Variants in ACOT2 observed in about 807,000 individuals in gnomAD.
ACOT2 encodes acyl-coenzyme A thioesterase 2, mitochondrial.
Under a neutral mutation model 20.1 loss-of-function variants are expected in ACOT2, and 15 were observed. The observed-to-expected ratio is 0.75, with a 90% CI of 0.50 to 1.15. The LOEUF is 1.15. Among genes scored for constraint, ACOT2 ranks in the 50% most tolerant of loss-of-function variants. The pLI, the probability that ACOT2 is intolerant of heterozygous loss-of-function variation, is 0.00. For missense variants in ACOT2, 479 were observed against 615.3 expected (o/e 0.78, Z 2.34); for synonymous variants, 252 against 268.4 (o/e 0.94, Z 0.60).
chr14:73,573,644 T>A, intron 2 of ACOT2, 54 bp downstream of exon 2: 1 of 1,604,674 alleles, frequency 6.2e-7, no homozygotes, highest in East Asian at 2.2e-5. Context: ...TCTTCTTAAA[T>A]GGTCTGGGTT....
At position 73,573,542 on chromosome 14, in the gene ACOT2, T is replaced by C. The variant is rs1889809916; in HGVS notation, c.798T>C (p.His266=). ...TCCCCAAGACCATGGAGACGCTCCA[T>C]CTGGAGTACTTTGAAGAAGCCATGA... ...EDLPKTMETL[H]LEYFEEAMNY... Residue 266 remains histidine, a synonymous_variant, in exon 2 of 3, where the codon CAT becomes CAC. Transcript: ENST00000238651. 1.9e-6 allele frequency: 3 copies of C among 1,613,592 alleles called. No individual in the cohort carries two copies. Among genetic ancestry groups the C allele is most frequent in the African/African-American group, 2.7e-5 (2 of 74,876 alleles).
rs749130080 is a variant in ACOT2, at chr14:73,569,557, C to A, written c.317C>A (p.Ala106Glu). Residue 106 changes from alanine to glutamate, a missense_variant, in exon 1 of 3, where the codon GCG (alanine) becomes GAG (glutamate). Around this residue, in one of 4 missense-constraint regions of ACOT2, gnomAD observed 400 missense variants for 395.5 expected, o/e 1.01. Coordinates refer to ENST00000238651, the MANE Select transcript of ACOT2 (RefSeq NM_006821.6). ...GCGTCCCTGCGCGACGAGAAGGGCGCGCTTTTCCAGGCCCACGCGCGCTAC... is the reference window on the plus strand; with the variant it reads ...GCGTCCCTGCGCGACGAGAAGGGCGAGCTTTTCCAGGCCCACGCGCGCTAC... ...LRASLRDEKG[A>E]LFQAHARYRA... 9.4e-5 allele frequency: 150 copies of A among 1,602,366 alleles called. No individual in the cohort carries two copies. The East Asian group carries it at 3.3e-3, about 35-fold the overall frequency.
chr14:73,569,588 C>G lies in ACOT2; in HGVS notation c.348C>G (p.Ala116=). The G allele has an allele frequency of 1.2e-6, 2 of 1,601,224 alleles. No individual in the cohort carries two copies. Among genetic ancestry groups the G allele is most frequent in the Non-Finnish European group, 1.7e-6 (2 of 1,175,796 alleles). The change falls in exon 1 of 3, where the codon GCC becomes GCG. Residue 116 remains alanine (A), a synonymous_variant. Transcript: ENST00000238651. ...ALFQAHARYR[A]DTLGELDLER... ...TCCAGGCCCACGCGCGCTACCGCGC[C>G]GACACTCTTGGCGAGCTGGACCTGG...
rs544289725 is a variant in ACOT2, at chr14:73,575,486, C to T, written c.1425C>T (p.His475=). 3.1e-5 allele frequency: 46 copies of T among 1,504,528 alleles called. No individual in the cohort carries two copies. The highest frequency in any genetic ancestry group is 2.3e-4 in the Middle Eastern group (1 of 4,292). 93.2% of individuals were successfully genotyped at this position (1,504,528 alleles called of 1,614,324 possible). ...QTFFHKHLGG[H]EGTIPSKV ...TCTTCCACAAACACTTGGGTGGCCA[C>T]GAGGGGACAATCCCATCAAAAGTGT... Residue 475 remains histidine (H), a synonymous_variant, in exon 3 of 3, where the codon CAC becomes CAT. Transcript: ENST00000238651.
intron 1 of ACOT2, among the ~76,000 whole-genome samples, chr14:73,570,578 A>AC (rs1566858945): frequency 5.3e-5 from 8 of 151,378 alleles, no homozygotes; most frequent in Admixed American, 3.3e-4. Flanking sequence ...CAAAAAAAAG[A>AC]CATTGTAAGG....
chr14:73,570,957 T>G (rs1889727389), intron 1 of ACOT2, among the ~76,000 whole-genome samples: 1 of 149,012 alleles, frequency 6.7e-6, no homozygotes, highest in South Asian at 2.1e-4. Flanking sequence ...TTCTTATTTA[T>G]GTATTGACTA....
At chr14:73,572,336 A>T (rs1889769883) in intron 1 of ACOT2, among the ~76,000 whole-genome samples, 1 of 151,942 alleles carries the variant, frequency 6.6e-6, no homozygotes, top group African/African-American at 2.4e-5. Flanking sequence ...AAGATATACA[A>T]AAGAAAAGAA....
chr14:73,573,125 T>G (rs1332862556), intron 1 of ACOT2, among the ~76,000 whole-genome samples: 1 of 151,930 alleles, frequency 6.6e-6, no homozygotes, highest in Non-Finnish European at 1.5e-5. Flanking sequence ...GTCTTTCTTT[T>G]TGTTTCTTGG....
At chr14:73,570,642 C>T (rs1299321148) in intron 1 of ACOT2, among the ~76,000 whole-genome samples, 2 of 152,068 alleles carry the variant, frequency 1.3e-5, no homozygotes, top group East Asian at 3.9e-4. Context: ...CGGTGGCTAA[C>T]GCCTGTAATC....
At chr14:73,574,840 G>A (rs1234764643) in intron 2 of ACOT2, 68 bp from the exon 3 acceptor site, 2 of 1,609,660 alleles carry the variant, frequency 1.2e-6, no homozygotes, top group Non-Finnish European at 1.7e-6. Flanking sequence ...TTCCAGGGTG[G>A]ACACAACTCA....
In ACOT2 at chr14:73,569,775, G is replaced by C. The variant is rs1292991348; in HGVS notation, c.535G>C (p.Gly179Arg). ...EVLDGHDPDP[G>R]RLLCQTRHER... ...GCTGGATGGCCACGACCCCGACCCC[G>C]GGCGGCTGCTGTGCCAGACGCGGCA... is the stretch of plus-strand genomic sequence containing the variant. The change falls in exon 1 of 3, where the codon GGG (glycine) becomes CGG (arginine). Residue 179 changes from glycine (G) to arginine (R), a missense_variant. Gly to Arg is a moderately radical substitution (Grantham distance 125). Around this residue, in one of 4 missense-constraint regions of ACOT2, gnomAD observed 400 missense variants for 395.5 expected, o/e 1.01. Coordinates refer to ENST00000238651, the MANE Select transcript of ACOT2 (RefSeq NM_006821.6). The C allele has an allele frequency of 1.9e-6, 3 of 1,606,520 alleles. No homozygotes were observed. Among genetic ancestry groups the C allele is most frequent in the African/African-American group, 1.3e-5 (1 of 74,776 alleles).
At position 73,569,784 on chromosome 14, in the gene ACOT2, C is replaced by T; in HGVS notation, c.544C>T (p.Leu182=). 1 of 1,605,278 alleles carries T rather than the reference C, an allele frequency of 6.2e-7. No homozygotes were observed. Among genetic ancestry groups the T allele is most frequent in the Non-Finnish European group, 8.5e-7 (1 of 1,176,496 alleles). ...CCACGACCCCGACCCCGGGCGGCTG[C>T]TGTGCCAGACGCGGCACGAGCGCTA... ...DGHDPDPGRL[L]CQTRHERYFL... Residue 182 remains leucine (L), a synonymous_variant, in exon 1 of 3, where the codon CTG becomes TTG. Transcript: ENST00000238651.
chr14:73,574,804 T>C lies in ACOT2; in HGVS notation c.847-104T>C, dbSNP rs184929307. 5.7e-5 allele frequency: 91 copies of C among 1,585,226 alleles called. No individual in the cohort carries two copies. The Admixed American group carries it at 6.0e-4, about 10-fold the overall frequency. On this transcript the variant is annotated intron_variant, in intron 2 of 2. Coordinates refer to ENST00000238651, the MANE Select transcript of ACOT2 (RefSeq NM_006821.6). ...GCAAATCTGGGTAAATGGTAGAACC[T>C]AGATTCAGACTCAGGTTCAACTAAC... is the stretch of plus-strand genomic sequence containing the variant.
intron 1 of ACOT2, 131 bp downstream of exon 1, chr14:73,570,014 G>C (rs1404910427): frequency 7.3e-7 from 1 of 1,366,400 alleles, no homozygotes; most frequent in African/African-American, 1.5e-5. Flanking sequence ...GGCAGGTTTC[G>C]AATTCCTGGT....
At position 73,573,302 on chromosome 14, in the gene ACOT2, A is replaced by G. The variant is rs1889802046; in HGVS notation, c.644-86A>G. 3.1e-6 allele frequency: 5 copies of G among 1,587,580 alleles called. No homozygotes were observed. In the South Asian group the frequency reaches 5.5e-5, roughly 18 times the overall value. On this transcript the variant is annotated intron_variant, in intron 1 of 2. Coordinates refer to ENST00000238651, the MANE Select transcript of ACOT2 (RefSeq NM_006821.6). ...CCTAGGAGTGGGATTGCTGGGTCACATGTGTGGTAAGTATATGTTTAACTT... is the reference window on the plus strand; with the variant it reads ...CCTAGGAGTGGGATTGCTGGGTCACGTGTGTGGTAAGTATATGTTTAACTT...
chr14:73,570,334 T>C (rs1889700614), intron 1 of ACOT2, among the ~76,000 whole-genome samples: 1 of 151,580 alleles, frequency 6.6e-6, no homozygotes, highest in African/African-American at 2.4e-5. Context: ...CTTTGGGAAG[T>C]CTCGGCGGGC....
At chr14:73,568,133 A>G (rs2140328557), upstream of ACOT2, 1 of 152,196 alleles carries the variant, frequency 6.6e-6, no homozygotes, top group East Asian at 1.9e-4. Flanking sequence ...TACAAAGGTA[A>G]TTAGAACTGA....
intron 1 of ACOT2, among the ~76,000 whole-genome samples, chr14:73,572,644 T>C (rs1329646593): frequency 0.071 from 2,366 of 33,458 alleles, 75 homozygotes; most frequent in African/African-American, 0.38. Context: ...TTTGCATTTT[T>C]TTTTTTTTTT....
At chr14:73,569,926 A>T in intron 1 of ACOT2, 43 bp downstream of exon 1, 1 of 1,572,190 alleles carries the variant, frequency 6.4e-7, no homozygotes, top group Admixed American at 1.8e-5. Context: ...TTCGCCTTTC[A>T]CTTTGTGTGT....
Sources: gnomAD v4.1 joint callset for allele counts (sites outside exome capture counted in the v4.1 genomes callset) on GRCh38, gnomAD v4.1.1 for gene constraint, gnomAD v4.1.1 regional missense constraint, MANE v1.5 for transcripts, NCBI Gene and HGNC (gene_info 2026-07-23, HGNC 2026-07-21) for gene names.